Variants in OSBPL6 observed in about 807,000 individuals in gnomAD.
OSBPL6 encodes the protein oxysterol-binding protein-related protein 6.
OSBPL6 carries 49 observed loss-of-function variants against 125.8 expected under a neutral mutation model. That is an observed-to-expected ratio of 0.39 (90% CI 0.31 to 0.49). The LOEUF (loss-of-function observed/expected upper bound fraction) is 0.49. Ranked by LOEUF, OSBPL6 falls within the 20% of genes least tolerant of loss-of-function variation. The pLI is 0.88. For missense variants in OSBPL6, 986 were observed against 1,135.4 expected (o/e 0.87, Z 1.89); for synonymous variants, 394 against 391.8 (o/e 1.01, Z -0.07).
intron 1 of OSBPL6, among the ~76,000 whole-genome samples, chr2:178,197,338 C>A (rs570313199): frequency 5.1e-4 from 78 of 152,210 alleles, no homozygotes; most frequent in African/African-American, 1.9e-3. Flanking sequence ...CTTAGAATGG[C>A]AGTTATCTTT....
At chr2:178,238,290 C>T (rs909867709) in intron 1 of OSBPL6, among the ~76,000 whole-genome samples, 5 of 152,172 alleles carry the variant, frequency 3.3e-5, no homozygotes, top group Middle Eastern at 3.2e-3. Flanking sequence ...CTGTCCCACC[C>T]GGGATATGAA....
chr2:178,350,482 A>G (rs895244530), intron 12 of OSBPL6, among the ~76,000 whole-genome samples: 5 of 152,228 alleles, frequency 3.3e-5, no homozygotes, highest in African/African-American at 1.2e-4. Flanking sequence ...CACACTGAAG[A>G]TCTCTCTGGA....
At chr2:178,349,470 T>C in intron 12 of OSBPL6, 81 bp downstream of exon 12, 1 of 1,483,410 alleles carries the variant, frequency 6.7e-7, no homozygotes, top group Non-Finnish European at 9.2e-7. Flanking sequence ...ATCTTTGTCT[T>C]TGTGGTAATG....
At chr2:178,358,408 C>A (rs1230898818) in intron 12 of OSBPL6, among the ~76,000 whole-genome samples, 2 of 152,032 alleles carry the variant, frequency 1.3e-5, no homozygotes, top group Non-Finnish European at 2.9e-5. Context: ...GATACATTGA[C>A]CTCTGGAACA....
intron 4 of OSBPL6, among the ~76,000 whole-genome samples, chr2:178,324,937 G>A (rs1688565720): frequency 6.6e-6 from 1 of 152,180 alleles, no homozygotes; most frequent in Non-Finnish European, 1.5e-5. Context: ...GTATATTCTG[G>A]CTTCTAGGCT....
intron 1 of OSBPL6, among the ~76,000 whole-genome samples, chr2:178,198,215 T>G (rs1216843952): frequency 6.6e-6 from 1 of 152,138 alleles, no homozygotes; most frequent in Non-Finnish European, 1.5e-5. Context: ...GTTTAAAAAC[T>G]AAAACTACTG....
chr2:178,275,659 C>T (rs1286004650), intron 1 of OSBPL6, among the ~76,000 whole-genome samples: 2 of 151,664 alleles, frequency 1.3e-5, no homozygotes, highest in African/African-American at 4.9e-5. Flanking sequence ...ATTGAGTAGT[C>T]TCCAGCAAAT....
In OSBPL6 at chr2:178,349,306, C is replaced by G. The variant is rs1422076827; in HGVS notation, c.1070C>G (p.Pro357Arg). ...TGTGCAGATATTGAATTTCAGACTC[C>G]CCCTAGCCACCTCACTGACCCTCTG... ...NLCADIEFQT[P>R]PSHLTDPLES... Residue 357 changes from proline to arginine, a missense_variant, in exon 12 of 25, where the codon CCC (proline) becomes CGC (arginine). Physicochemically the swap from Pro to Arg is moderately radical, Grantham distance 103. Transcript: ENST00000190611. 1 of 1,614,066 alleles carries G rather than the reference C, an allele frequency of 6.2e-7. No individual in the cohort carries two copies. The highest frequency in any genetic ancestry group is 8.5e-7 in the Non-Finnish European group (1 of 1,179,958).
Position 178,334,211 on chromosome 2 carries a change from C to T in OSBPL6, c.657+1170C>T, listed in dbSNP as rs145008104. On this transcript the variant is annotated intron_variant, in intron 8 of 24. Coordinates refer to ENST00000190611, the MANE Select transcript of OSBPL6 (RefSeq NM_032523.4). ...CCCACTGCACTGCGCAGGGGTGCTCCGCCTTCACATTTGGCACCTGAAATT... is the reference window on the plus strand; with the variant it reads ...CCCACTGCACTGCGCAGGGGTGCTCTGCCTTCACATTTGGCACCTGAAATT... Among the ~76,000 whole-genome samples, 362 of 152,240 alleles carry T rather than the reference C, an allele frequency of 2.4e-3. 5 individuals are homozygous for T. The highest frequency in any genetic ancestry group is 3.1e-3 in the Non-Finnish European group (212 of 68,020).
At chr2:178,309,804 T>A (rs1288123673) in intron 3 of OSBPL6, among the ~76,000 whole-genome samples, 1 of 152,196 alleles carries the variant, frequency 6.6e-6, no homozygotes, top group East Asian at 1.9e-4. Context: ...CCCTAAAACA[T>A]TCCAAGAGGG....
chr2:178,209,531 C>T (rs1326226223), intron 1 of OSBPL6, among the ~76,000 whole-genome samples: 3 of 148,550 alleles, frequency 2.0e-5, no homozygotes, highest in Non-Finnish European at 3.0e-5. Flanking sequence ...ACATTTTCTG[C>T]TCCCTGCACA....
intron 1 of OSBPL6, among the ~76,000 whole-genome samples, chr2:178,263,801 G>T (rs1484932088): frequency 2.9e-5 from 3 of 104,250 alleles, no homozygotes; most frequent in African/African-American, 1.0e-4. Context: ...ACTCAACTGT[G>T]TACACGTGTG....
At position 178,212,064 on chromosome 2, in the gene OSBPL6, C is replaced by T. The variant is rs2089887168; in HGVS notation, c.-351+17390C>T. ...GTCATCATCAAATATTCATTAAGCT[C>T]CCACTTGTGCCTCGTGCTGTTGTGC... On this transcript the variant is annotated intron_variant, in intron 1 of 24. Transcript: ENST00000190611. Among the ~76,000 whole-genome samples the T allele has an allele frequency of 2.6e-5, 4 of 152,256 alleles. No homozygotes were observed. In the South Asian group the frequency reaches 8.3e-4, roughly 32 times the overall value.
chr2:178,395,651 G>T lies in OSBPL6; in HGVS notation c.*92G>T, dbSNP rs1575064457. 2 of 1,054,502 alleles carry T rather than the reference G, an allele frequency of 1.9e-6. No homozygotes were observed. Among genetic ancestry groups the T allele is most frequent in the East Asian group, 5.0e-5 (2 of 39,898 alleles). 65.3% of individuals were successfully genotyped at this position (1,054,502 alleles called of 1,614,324 possible). A position where few individuals can be genotyped will look rare whatever the true frequency, so the allele number is the denominator to read the frequency against. ...TTCTTATAGCTATGTGTGGTTTCTG[G>T]GTCAACTGAAAACCTACCATTTGCT... On this transcript the variant is annotated 3_prime_UTR_variant, in exon 25 of 25. Transcript: ENST00000190611.
intron 1 of OSBPL6, among the ~76,000 whole-genome samples, chr2:178,275,434 C>T (rs1204506152): frequency 6.6e-6 from 1 of 152,124 alleles, no homozygotes; most frequent in Non-Finnish European, 1.5e-5. Flanking sequence ...ATCTCTTGAA[C>T]CCGGAAGCCG....
chr2:178,293,085 A>G (rs1685428917), intron 2 of OSBPL6, among the ~76,000 whole-genome samples: 1 of 152,110 alleles, frequency 6.6e-6, no homozygotes, highest in African/African-American at 2.4e-5. Flanking sequence ...AAAACTGGTG[A>G]AAACTGGAGG....
At position 178,398,033 on chromosome 2, in the gene OSBPL6, C is replaced by G. The variant is rs1284071673; in HGVS notation, c.*2474C>G. Reference sequence around the variant, plus strand: ...GTTTTAGTTACTATTCCTATAATACCCAATTCACTAATATCATATCTCCTG... The same window carrying G: ...GTTTTAGTTACTATTCCTATAATACGCAATTCACTAATATCATATCTCCTG... On this transcript the variant is annotated 3_prime_UTR_variant, in exon 25 of 25. Coordinates refer to ENST00000190611, the MANE Select transcript of OSBPL6 (RefSeq NM_032523.4). The G allele has an allele frequency of 6.6e-6, 1 of 152,050 alleles. No individual in the cohort carries two copies. The highest frequency in any genetic ancestry group is 1.5e-5 in the Non-Finnish European group (1 of 68,006). The allele number at this position is 152,050 out of a possible 1,614,324, so 9.4% of individuals were successfully genotyped here. A position where few individuals can be genotyped will look rare whatever the true frequency, so the allele number is the denominator to read the frequency against.
At position 178,309,812 on chromosome 2, in the gene OSBPL6, G is replaced by A. The variant is rs1687102611; in HGVS notation, c.102+3526G>A. ...ATATATGCCCTAAAACATTCCAAGA[G>A]GGAGCATAAGGGTTGTTGATGAAAC... On this transcript the variant is annotated intron_variant, in intron 3 of 24. Coordinates refer to ENST00000190611, the MANE Select transcript of OSBPL6 (RefSeq NM_032523.4). Among the ~76,000 whole-genome samples, 6 of 152,156 alleles carry A rather than the reference G, an allele frequency of 3.9e-5. No individual in the cohort carries two copies. The South Asian group carries it at 1.2e-3, about 32-fold the overall frequency.
chr2:178,196,694 A>C (rs1403038399), intron 1 of OSBPL6, among the ~76,000 whole-genome samples: 1 of 152,226 alleles, frequency 6.6e-6, no homozygotes, highest in Non-Finnish European at 1.5e-5. Flanking sequence ...TAAGGAGATA[A>C]AAATTCTTAT....
Sources: allele counts gnomAD v4.1 joint callset (sites outside exome capture counted in the v4.1 genomes callset), GRCh38; gene constraint gnomAD v4.1.1; transcripts MANE v1.5; gene names NCBI Gene and HGNC (gene_info 2026-07-23, HGNC 2026-07-21).